Variants in SPAG1 observed in about 807,000 individuals in gnomAD.
SPAG1 encodes the protein sperm-associated antigen 1.
SPAG1 carries 69 observed loss-of-function variants against 100.5 expected under a neutral mutation model. That is an observed-to-expected ratio of 0.69 (90% CI 0.57 to 0.84). SPAG1 has a LOEUF of 0.84. Ranked by LOEUF, SPAG1 falls within the 40% of genes least tolerant of loss-of-function variation. The pLI is 0.00. For synonymous variants in SPAG1, 336 were observed against 411.6 expected, an observed-to-expected ratio of 0.82 and a Z score of 2.22; for missense variants, 955 against 1,133.1, an observed-to-expected ratio of 0.84 and a Z score of 2.26.
intron 8 of SPAG1, among the ~76,000 whole-genome samples, chr8:100,187,472 A>AC (rs1445376831): frequency 6.6e-6 from 1 of 152,178 alleles, no homozygotes; most frequent in African/African-American, 2.4e-5. Context: ...TTAATAAAAT[A>AC]CATATATATT....
intron 10 of SPAG1, among the ~76,000 whole-genome samples, chr8:100,210,259 A>G (rs907657077): frequency 2.7e-5 from 4 of 150,604 alleles, no homozygotes; most frequent in Non-Finnish European, 5.9e-5. Context: ...CAATTGTGGG[A>G]TCATGTATGC....
chr8:100,203,195 G>A (rs750260104), intron 10 of SPAG1, among the ~76,000 whole-genome samples: 22 of 152,114 alleles, frequency 1.4e-4, no homozygotes, highest in Non-Finnish European at 2.6e-4. Flanking sequence ...CCCGTGCTGG[G>A]TGCTTCCTGC....
chr8:100,233,209 C>A (rs898920718), intron 15 of SPAG1: 2 of 513,904 alleles, frequency 3.9e-6, no homozygotes, highest in African/African-American at 1.9e-5. Context: ...TTGATTGCAT[C>A]CTCCTTGAGG....
chr8:100,211,900 A>G (rs1328139107), intron 10 of SPAG1, among the ~76,000 whole-genome samples: 5 of 152,174 alleles, frequency 3.3e-5, no homozygotes, highest in African/African-American at 1.2e-4. Context: ...GGAAAGTAAT[A>G]CCAAGCTGAC....
chr8:100,237,534 G>T (rs1788189), intron 16 of SPAG1, among the ~76,000 whole-genome samples: 96,581 of 152,052 alleles, frequency 0.64, 30,878 homozygotes, highest in African/African-American at 0.7. Context: ...TTTGTTTACA[G>T]GTTTTTAATT....
At chr8:100,180,296 T>C (rs2453655) in intron 4 of SPAG1, among the ~76,000 whole-genome samples, 95,115 of 152,008 alleles carry the variant, frequency 0.63, 30,116 homozygotes, top group African/African-American at 0.72. Context: ...CATGATGACA[T>C]CACTATACTC....
chr8:100,188,308 C>G (rs916436807), intron 8 of SPAG1, among the ~76,000 whole-genome samples: 68 of 151,956 alleles, frequency 4.5e-4, no homozygotes, highest in African/African-American at 1.5e-3. Context: ...CGTGCCACCA[C>G]ACCCAGCTAA....
intron 4 of SPAG1, 145 bp from the exon 5 acceptor site, chr8:100,183,230 C>T: frequency 2.2e-6 from 1 of 448,962 alleles, no homozygotes. Flanking sequence ...ACCTCAGCCT[C>T]CCAAAGTGCT....
intron 10 of SPAG1, chr8:100,194,629 A>G (rs1359530465): frequency 4.8e-6 from 2 of 416,188 alleles, no homozygotes; most frequent in African/African-American, 2.1e-5. Context: ...TGTTGGTTTC[A>G]AAACAGGTAT....
At chr8:100,208,153 G>A (rs915450690) in intron 10 of SPAG1, among the ~76,000 whole-genome samples, 1 of 152,178 alleles carries the variant, frequency 6.6e-6, no homozygotes, top group Admixed American at 6.5e-5. Context: ...GAGGAATGCT[G>A]CCACAAGGAG....
rs188124902 is a variant in SPAG1, at chr8:100,241,773, C to A, written c.*751C>A. ...CATATTTTACCAAACATTTGAATGT[C>A]CCCCTTCCCCCTTTTTTGTTTTCTG... is the stretch of plus-strand genomic sequence containing the variant. On this transcript the variant is annotated 3_prime_UTR_variant, in exon 19 of 19. Transcript: ENST00000388798. The surrounding 1 kb of genome is among the most constrained non-coding windows in gnomAD (Gnocchi z 5.1). The A allele has an allele frequency of 7.2e-6, 1 of 139,702 alleles. No homozygotes were observed. The highest frequency in any genetic ancestry group is 2.1e-4 in the East Asian group (1 of 4,798). 8.7% of individuals were successfully genotyped at this position (139,702 alleles called of 1,614,324 possible).
At chr8:100,215,530 T>C (rs1380142553) in intron 12 of SPAG1, among the ~76,000 whole-genome samples, 1 of 152,174 alleles carries the variant, frequency 6.6e-6, no homozygotes, top group African/African-American at 2.4e-5. Flanking sequence ...ATCAGTTTAT[T>C]TTGTTTTTTT....
rs192506228 is a variant in SPAG1 at position 100,232,605 on chromosome 8, T to C, written c.1989-806T>C. Among the ~76,000 whole-genome samples the C allele has an allele frequency of 3.4e-3, 519 of 152,290 alleles. 2 individuals are homozygous for C. The highest frequency in any genetic ancestry group is 0.012 in the African/African-American group (483 of 41,566). The stretch of plus-strand genomic sequence containing the variant: ...CTGTCTCCTTGCCACCATCCCCCTG[T>C]CATTCCCTTGCTCTGGGCCACTGTC... On this transcript the variant is annotated intron_variant, in intron 15 of 18. Transcript: ENST00000388798.
At chr8:100,175,149 G>A (rs1816052592) in intron 3 of SPAG1, among the ~76,000 whole-genome samples, 1 of 151,386 alleles carries the variant, frequency 6.6e-6, no homozygotes, top group Non-Finnish European at 1.5e-5. Context: ...CACCACTCCT[G>A]GCTTAATGGC....
intron 2 of SPAG1, among the ~76,000 whole-genome samples, chr8:100,163,670 C>T (rs1815418231): frequency 6.6e-6 from 1 of 152,160 alleles, no homozygotes. Flanking sequence ...TGGGTTCTTC[C>T]CTTTTTCTCT....
rs767729048 is a variant in SPAG1, at chr8:100,162,290, A to G, written c.10A>G (p.Lys4Glu). 1.3e-6 allele frequency: 2 copies of G among 1,599,430 alleles called. No individual in the cohort carries two copies. Among genetic ancestry groups the G allele is most frequent in the East Asian group, 2.2e-5 (1 of 44,726 alleles). Reference protein sequence around the residue: MTTKDYPSLWGFGT... With the variant: MTTEDYPSLWGFGT... ...ATATTGTATTTCAGCTATGACCACC[A>G]AAGATTATCCATCATTGTGGGGCTT... Residue 4 changes from lysine to glutamate, a missense_variant, in exon 2 of 19, where the codon AAA (lysine) becomes GAA (glutamate). Coordinates refer to ENST00000388798, the MANE Select transcript of SPAG1 (RefSeq NM_003114.5).
intron 14 of SPAG1, among the ~76,000 whole-genome samples, chr8:100,228,186 A>AT (rs995792303): frequency 8.5e-5 from 13 of 152,234 alleles, no homozygotes; most frequent in African/African-American, 2.9e-4. Context: ...ATATTCTGTG[A>AT]TTTGAAATAG....
rs557532191 is a variant in SPAG1 at position 100,205,980 on chromosome 8, C to T, written c.1097-7110C>T. ...GTTGCAGTGAGCCGAGATCATGCCA[C>T]TGCACTCCAGCCTGGCGACAGAGTG... On this transcript the variant is annotated intron_variant, in intron 10 of 18. Transcript: ENST00000388798. Among the ~76,000 whole-genome samples the T allele has an allele frequency of 2.1e-3, 290 of 138,042 alleles. 2 individuals are homozygous for T. The highest frequency in any genetic ancestry group is 7.6e-3 in the African/African-American group (280 of 36,810). 90.6% of individuals were successfully genotyped at this position (138,042 alleles called of 152,430 possible).
At chr8:100,203,611 C>G (rs1817382173) in intron 10 of SPAG1, among the ~76,000 whole-genome samples, 1 of 152,138 alleles carries the variant, frequency 6.6e-6, no homozygotes, top group South Asian at 2.1e-4. Context: ...TCATGAGAGG[C>G]AAGGAGTTTA....
Sources: allele counts gnomAD v4.1 joint callset (sites outside exome capture counted in the v4.1 genomes callset), GRCh38; gene constraint gnomAD v4.1.1; non-coding constraint Gnocchi (gnomAD v3.1); transcripts MANE v1.5; gene names NCBI Gene and HGNC (gene_info 2026-07-23, HGNC 2026-07-21).